The following ARHGEF9 variants were observed in gnomAD, a reference collection of about 807,000 sequenced individuals.
The protein encoded by ARHGEF9 is Cdc42 guanine nucleotide exchange factor 9.
A neutral mutation model predicts 41.3 loss-of-function variants in ARHGEF9; 2 were observed. The observed-to-expected ratio is 0.05, with a 90% confidence interval of 0.02 to 0.15. The LOEUF is 0.15. ARHGEF9 is among the 10% of genes least tolerant of loss of function. The pLI is 1.00. For missense variants in ARHGEF9, 225 were observed against 424.7 expected, an observed-to-expected ratio of 0.53 and a Z score of 4.13; for synonymous variants, 160 against 154.4, an observed-to-expected ratio of 1.04 and a Z score of -0.27.
Position 63,644,768 on chromosome X carries a change from T to A in ARHGEF9, c.1322-720A>T, listed in dbSNP as rs1330342061. On this transcript the variant is annotated intron_variant, in intron 8 of 9. Transcript: ENST00000671741. ...GCCTTCTATTATTATTATTATTTTTTTTTTTTTTGGAGGCAAGGTTTTGCT... is the reference window on the plus strand; with the variant it reads ...GCCTTCTATTATTATTATTATTTTTATTTTTTTTGGAGGCAAGGTTTTGCT... Among the ~76,000 whole-genome samples, 13 of 108,257 alleles carry A rather than the reference T, an allele frequency of 1.2e-4. 1 individual carries two copies. The highest frequency in any genetic ancestry group is 2.0e-4 in the African/African-American group (6 of 29,861). 94.0% of individuals were successfully genotyped at this position (108,257 alleles called of 115,157 possible). A position where few individuals can be genotyped will look rare whatever the true frequency, so the allele number is the denominator to read the frequency against.
chrX:63,778,315 C>T (rs1556460057), intron 1 of ARHGEF9, among the ~76,000 whole-genome samples: 1 of 112,231 alleles, frequency 8.9e-6, no homozygotes, highest in East Asian at 2.8e-4. Flanking sequence ...AGCTGAGATG[C>T]AGGTCACCAA....
At chrX:63,710,682 C>A (rs1222118632) in intron 2 of ARHGEF9, among the ~76,000 whole-genome samples, 1 of 110,841 alleles carries the variant, frequency 9.0e-6, no homozygotes, top group Non-Finnish European at 1.9e-5. Context: ...GGGAACTTTT[C>A]TCCAAATAAT....
intron 3 of ARHGEF9, among the ~76,000 whole-genome samples, chrX:63,701,002 G>T (rs1430647939): frequency 1.8e-5 from 2 of 111,665 alleles, no homozygotes; most frequent in Non-Finnish European, 3.8e-5. Context: ...GTCACAACTG[G>T]CATAAATTAG....
intron 1 of ARHGEF9, among the ~76,000 whole-genome samples, chrX:63,752,866 A>G (rs781805665): frequency 1.8e-5 from 2 of 112,219 alleles, no homozygotes; most frequent in Non-Finnish European, 3.8e-5. Context: ...AGATTTGCAC[A>G]TCAGACATGA....
intron 1 of ARHGEF9, among the ~76,000 whole-genome samples, chrX:63,764,164 G>T (rs1351902409): frequency 8.9e-6 from 1 of 112,487 alleles, no homozygotes; most frequent in Non-Finnish European, 1.9e-5. Flanking sequence ...CAAAGGACAT[G>T]AACAGACACT....
At chrX:63,778,863 C>A (rs189391200) in intron 1 of ARHGEF9, among the ~76,000 whole-genome samples, 1 of 112,211 alleles carries the variant, frequency 8.9e-6, no homozygotes, top group Admixed American at 9.4e-5. Context: ...TCTGAGACCA[C>A]CTCAGCCTGG....
intron 5 of ARHGEF9, among the ~76,000 whole-genome samples, chrX:63,676,762 G>A (rs2050283485): frequency 1.8e-5 from 2 of 112,403 alleles, no homozygotes; most frequent in Admixed American, 1.9e-4. Flanking sequence ...AAAGCACAGA[G>A]CTGTACTGTC....
intron 8 of ARHGEF9, among the ~76,000 whole-genome samples, chrX:63,651,079 T>C (rs564109848): frequency 1.1e-3 from 127 of 111,070 alleles, no homozygotes; most frequent in Non-Finnish European, 1.6e-3. Flanking sequence ...AAGATTTTGA[T>C]GAAAGGAGAG....
intron 4 of ARHGEF9, among the ~76,000 whole-genome samples, chrX:63,684,834 A>T (rs2050881619): frequency 9.1e-6 from 1 of 110,140 alleles, no homozygotes; most frequent in South Asian, 3.9e-4. Context: ...ACATGGAGGA[A>T]CCTAGAGGAC....
At chrX:63,732,997 C>T (rs1326161880) in intron 1 of ARHGEF9, among the ~76,000 whole-genome samples, 1 of 111,750 alleles carries the variant, frequency 8.9e-6, no homozygotes, top group Non-Finnish European at 1.9e-5. Context: ...CTTTCAGTAA[C>T]CTTATCTACC....
intron 3 of ARHGEF9, among the ~76,000 whole-genome samples, chrX:63,703,606 C>A (rs1381052360): frequency 2.7e-5 from 3 of 112,067 alleles, no homozygotes; most frequent in Admixed American, 9.5e-5. Flanking sequence ...ATGTACCAGG[C>A]ACTGTGCTGG....
At chrX:63,719,418 A>G (rs1443528412) in intron 2 of ARHGEF9, among the ~76,000 whole-genome samples, 3 of 112,306 alleles carry the variant, frequency 2.7e-5, no homozygotes, top group Non-Finnish European at 5.6e-5. Flanking sequence ...TTTCTTGATT[A>G]TGCTATAGGC....
chrX:63,646,549 T>G (rs1189006689), intron 8 of ARHGEF9, among the ~76,000 whole-genome samples: 10 of 111,478 alleles, frequency 9.0e-5, no homozygotes, highest in African/African-American at 2.6e-4. Context: ...TAGATATGCA[T>G]CATTATTTCT....
At chrX:63,745,489 G>A (rs1279028576) in intron 1 of ARHGEF9, among the ~76,000 whole-genome samples, 6 of 111,383 alleles carry the variant, frequency 5.4e-5, no homozygotes, top group Non-Finnish European at 9.4e-5. Context: ...AAACCTGAAA[G>A]AGCATTCAGG....
In ARHGEF9 at chrX:63,635,190, AG is replaced by A; in HGVS notation, c.*2837del. 1.8e-5 allele frequency: 7 copies of A among 383,101 alleles called. No homozygotes were observed. Among genetic ancestry groups the A allele is most frequent in the East Asian group, 1.5e-4 (3 of 19,390 alleles). The allele number at this position is 383,101 out of a possible 1,213,427, so 31.6% of individuals were successfully genotyped here. ...CCACCCCAGCCCACCCCATCCCCAA[AG>A]CACTAAAAGATCACTATTTGGCTTC... On this transcript the variant is annotated 3_prime_UTR_variant, in exon 10 of 10. Transcript: ENST00000671741.
At chrX:63,644,216 C>T (rs1602180681) in intron 8 of ARHGEF9, 168 bp from the exon 9 acceptor site, 4 of 385,252 alleles carry the variant, frequency 1.0e-5, no homozygotes, top group Non-Finnish European at 1.7e-5. Context: ...CTAGGAATTT[C>T]ACTAAGGAAA....
rs782423692 is a variant in ARHGEF9, at chrX:63,635,445, A to G, written c.*2583T>C. The stretch of plus-strand genomic sequence containing the variant: ...GCGGAAATTACAACATTACAGAATT[A>G]CTGGGGTTACCATTGCTGTCAGGAC... On this transcript the variant is annotated 3_prime_UTR_variant, in exon 10 of 10. Transcript: ENST00000671741. 17 of 517,126 alleles carry G rather than the reference A, an allele frequency of 3.3e-5. No homozygotes were observed. Among genetic ancestry groups the G allele is most frequent in the Non-Finnish European group, 5.6e-5 (16 of 284,425 alleles). 42.6% of individuals were successfully genotyped at this position (517,126 alleles called of 1,213,427 possible). A position where few individuals can be genotyped will look rare whatever the true frequency, so the allele number is the denominator to read the frequency against.
intron 3 of ARHGEF9, among the ~76,000 whole-genome samples, chrX:63,697,563 C>A (rs2051836480): frequency 8.9e-6 from 1 of 111,783 alleles, no homozygotes; most frequent in Admixed American, 9.5e-5. Flanking sequence ...ATGAAGAAGA[C>A]CCCCAAAGTC....
At position 63,636,176 on chromosome X, in the gene ARHGEF9, A is replaced by AGCT. The variant is rs2047306571; in HGVS notation, c.*1849_*1851dup. 1 of 112,134 alleles carries AGCT rather than the reference A, an allele frequency of 8.9e-6. No homozygotes were observed. Among genetic ancestry groups the AGCT allele is most frequent in the African/African-American group, 3.2e-5 (1 of 30,838 alleles). The allele number at this position is 112,134 out of a possible 1,213,427, so 9.2% of individuals were successfully genotyped here. On this transcript the variant is annotated 3_prime_UTR_variant, in exon 10 of 10. Coordinates refer to ENST00000671741, the MANE Select transcript of ARHGEF9 (RefSeq NM_001353921.2). ...GCTAGCTATGCTGAAGCCTCCACAC[A>AGCT]GCTATGGCTGCTGCTTGGTAAGCTG... is the stretch of plus-strand genomic sequence containing the variant.
Sources: gnomAD v4.1 joint callset for allele counts (sites outside exome capture counted in the v4.1 genomes callset) on GRCh38, gnomAD v4.1.1 for gene constraint, MANE v1.5 for transcripts, NCBI Gene and HGNC (gene_info 2026-07-23, HGNC 2026-07-21) for gene names.